The following CDH4 variants were observed in gnomAD, a reference collection of about 807,000 sequenced individuals.
The protein encoded by CDH4 is cadherin-4.
CDH4 carries 33 observed loss-of-function variants against 86.0 expected under a neutral mutation model. That is an observed-to-expected ratio of 0.38 (90% CI 0.29 to 0.51). CDH4 has a LOEUF of 0.51. CDH4 is among the 20% of genes least tolerant of loss of function. The pLI, the probability that CDH4 is intolerant of heterozygous loss-of-function variation, is 0.86. For missense variants in CDH4, 1,114 were observed against 1,307.4 expected (o/e 0.85, Z 2.28); for synonymous variants, 555 against 549.4 (o/e 1.01, Z -0.14).
intron 2 of CDH4, among the ~76,000 whole-genome samples, chr20:61,656,306 CACGTGCTGAAGT>C (rs2087189292): frequency 9.3e-6 from 1 of 107,298 alleles, no homozygotes; most frequent in African/African-American, 4.5e-5. Flanking sequence ...GGTGGGTAGG[CACGTGCTGAAGT>C]GGGCAGGCGC....
At chr20:61,266,814 C>T (rs1245495898) in intron 2 of CDH4, among the ~76,000 whole-genome samples, 1 of 152,012 alleles carries the variant, frequency 6.6e-6, no homozygotes, top group East Asian at 1.9e-4. Context: ...CGACAGTGGC[C>T]CACAAAGGAT....
At chr20:61,491,019 G>A (rs989006399) in intron 2 of CDH4, among the ~76,000 whole-genome samples, 11 of 152,200 alleles carry the variant, frequency 7.2e-5, no homozygotes, top group African/African-American at 2.7e-4. Flanking sequence ...AATGTAGGCT[G>A]CCTGAAATCC....
At chr20:61,455,397 T>G (rs1335362465) in intron 2 of CDH4, among the ~76,000 whole-genome samples, 1 of 152,142 alleles carries the variant, frequency 6.6e-6, no homozygotes, top group Non-Finnish European at 1.5e-5. Context: ...GCCTGTGGGT[T>G]GTGTGATTCT....
intron 4 of CDH4, among the ~76,000 whole-genome samples, chr20:61,785,226 C>A (rs1282112296): frequency 6.6e-6 from 1 of 152,182 alleles, no homozygotes; most frequent in African/African-American, 2.4e-5. Flanking sequence ...CCATGCTTCA[C>A]CATCTCCTCA....
In CDH4 at chr20:61,517,912, C is replaced by G. The variant is rs1375149205; in HGVS notation, c.170-225651C>G. 2.0e-5 allele frequency among the ~76,000 whole-genome samples: 3 copies of G among 152,184 alleles called. No individual in the cohort carries two copies. Among genetic ancestry groups the G allele is most frequent in the African/African-American group, 2.4e-5 (1 of 41,448 alleles). On this transcript the variant is annotated intron_variant, in intron 2 of 15. Transcript: ENST00000614565. The surrounding 1 kb of genome is among the most constrained non-coding windows in gnomAD (Gnocchi z 6.6). ...CCATATACCCCTCAGGGTCCCTCCC[C>G]CAAATGCACAGACACAGCCAGACAG...
At chr20:61,618,152 A>G (rs1363759384) in intron 2 of CDH4, among the ~76,000 whole-genome samples, 1 of 152,078 alleles carries the variant, frequency 6.6e-6, no homozygotes, top group Non-Finnish European at 1.5e-5. Flanking sequence ...AGACTAATAC[A>G]GGGCCGGTGC....
At chr20:61,649,549 G>A (rs6089452) in intron 2 of CDH4, among the ~76,000 whole-genome samples, 51,113 of 152,066 alleles carry the variant, frequency 0.34, 8,822 homozygotes, top group East Asian at 0.57. Flanking sequence ...ACATCTCTGC[G>A]GTGGAGACAG....
At chr20:61,641,232 G>A (rs1175877033) in intron 2 of CDH4, among the ~76,000 whole-genome samples, 1 of 152,178 alleles carries the variant, frequency 6.6e-6, no homozygotes, top group East Asian at 1.9e-4. Flanking sequence ...TGATTTGGGG[G>A]AGTTTTCAGC....
intron 1 of CDH4, among the ~76,000 whole-genome samples, chr20:61,253,424 G>T (rs2084077254): frequency 6.6e-6 from 1 of 152,116 alleles, no homozygotes; most frequent in Admixed American, 6.5e-5. Context: ...GGCGGAGGCG[G>T]AGGGGCGGCG....
rs1555835201 is a variant in CDH4, at chr20:61,304,269, C to CCA, written c.169+49333_169+49334dup. Reference sequence around the variant, plus strand: ...ATTGAAGATAGTGGACGGCACCCCCCCAACCCCCCGTTCTTTGGTGTGGTC... The same window carrying CCA: ...ATTGAAGATAGTGGACGGCACCCCCCCACAACCCCCCGTTCTTTGGTGTGGTC... On this transcript the variant is annotated intron_variant, in intron 2 of 15. Coordinates refer to ENST00000614565, the MANE Select transcript of CDH4 (RefSeq NM_001794.5). 1.3e-4 allele frequency among the ~76,000 whole-genome samples: 19 copies of CCA among 151,662 alleles called. No homozygotes were observed. In the East Asian group the frequency reaches 1.4e-3, roughly 11 times the overall value.
At chr20:61,408,230 C>T (rs2085095149) in intron 2 of CDH4, among the ~76,000 whole-genome samples, 1 of 152,206 alleles carries the variant, frequency 6.6e-6, no homozygotes, top group African/African-American at 2.4e-5. Flanking sequence ...AACTCCTTAA[C>T]TTCATCATAC....
chr20:61,491,179 G>A (rs1445800079), intron 2 of CDH4, among the ~76,000 whole-genome samples: 2 of 152,246 alleles, frequency 1.3e-5, no homozygotes, highest in African/African-American at 2.4e-5. Flanking sequence ...AATTAGAAGT[G>A]TGCGCATAGT....
intron 2 of CDH4, among the ~76,000 whole-genome samples, chr20:61,675,197 C>T (rs1022267177): frequency 6.6e-6 from 1 of 152,228 alleles, no homozygotes; most frequent in African/African-American, 2.4e-5. Context: ...AGCTCAGGGA[C>T]AGGGTTAGAC....
At chr20:61,327,025 AC>A (rs911774189) in intron 2 of CDH4, among the ~76,000 whole-genome samples, 1 of 152,154 alleles carries the variant, frequency 6.6e-6, no homozygotes, top group African/African-American at 2.4e-5. Flanking sequence ...AGGCAAGATT[AC>A]CCCTTACTCT....
chr20:61,481,444 C>T (rs1343725998), intron 2 of CDH4, among the ~76,000 whole-genome samples: 5 of 152,232 alleles, frequency 3.3e-5, no homozygotes, highest in Non-Finnish European at 7.3e-5. Context: ...CATGATTGTG[C>T]CTTGCTGTTA....
At position 61,900,221 on chromosome 20, in the gene CDH4, CAGA is replaced by C. The variant is rs569250077; in HGVS notation, c.1188+5180_1188+5182del. ...AAGCCCTGTGAGTCCCTGACTTCTG[CAGA>C]AGAAGGGAGAAATTACGATTCAGCG... On this transcript the variant is annotated intron_variant, in intron 8 of 15. Coordinates refer to ENST00000614565, the MANE Select transcript of CDH4 (RefSeq NM_001794.5). Among the ~76,000 whole-genome samples the C allele has an allele frequency of 5.3e-5, 8 of 152,332 alleles. No individual in the cohort carries two copies. The South Asian group carries it at 1.5e-3, about 28-fold the overall frequency.
At chr20:61,809,703 C>T (rs1002861291) in intron 4 of CDH4, among the ~76,000 whole-genome samples, 1 of 152,156 alleles carries the variant, frequency 6.6e-6, no homozygotes, top group African/African-American at 2.4e-5. Context: ...GGAGGGGTTC[C>T]GGTAGAAAGC....
chr20:61,304,808 T>C (rs555813167), intron 2 of CDH4, among the ~76,000 whole-genome samples: 54 of 151,838 alleles, frequency 3.6e-4, no homozygotes, highest in Admixed American at 9.8e-4. Flanking sequence ...GTATTGTGTG[T>C]GGGGATGTGT....
intron 2 of CDH4, among the ~76,000 whole-genome samples, chr20:61,495,674 A>T (rs1196584139): frequency 6.6e-6 from 1 of 152,164 alleles, no homozygotes; most frequent in East Asian, 1.9e-4. Context: ...AGGCTGAGGC[A>T]GGTGGATCGC....
Sources: allele counts gnomAD v4.1 joint callset (sites outside exome capture counted in the v4.1 genomes callset), GRCh38; gene constraint gnomAD v4.1.1; non-coding constraint Gnocchi (gnomAD v3.1); transcripts MANE v1.5; gene names NCBI Gene and HGNC (gene_info 2026-07-23, HGNC 2026-07-21).